PTPRB: variants seen among roughly 807,000 people sequenced by gnomAD.
PTPRB encodes receptor-type tyrosine-protein phosphatase beta.
In PTPRB, 97 loss-of-function variants were observed where a neutral mutation model predicts 238.1. The observed-to-expected ratio is 0.41, with a 90% CI of 0.35 to 0.48. The LOEUF (loss-of-function observed/expected upper bound fraction) is 0.48, where lower values mean the gene tolerates loss of function less well. Ranked by LOEUF, PTPRB falls within the 20% of genes least tolerant of loss-of-function variation. The pLI is 0.30. For synonymous variants in PTPRB, 970 were observed against 995.4 expected, an observed-to-expected ratio of 0.97 and a Z score of 0.48; for missense variants, 2,292 against 2,681.9, an observed-to-expected ratio of 0.85 and a Z score of 3.21.
rs777715159 is a variant in PTPRB, at chr12:70,534,848, C to T, written c.6189G>A (p.Glu2063=). The T allele has an allele frequency of 1.2e-6, 2 of 1,613,944 alleles. No individual in the cohort carries two copies. The highest frequency in any genetic ancestry group is 1.7e-6 in the Non-Finnish European group (2 of 1,179,862). The part of the protein sequence containing the change: ...ESVLPEWTIR[E]FKICGEEQLD... ...GCTAACATACACCGCATATCTTAAA[C>T]TCCCGGATGGTCCACTCAGGCAGGA... The change falls in exon 30 of 34, where the codon GAG becomes GAA. Residue 2063 remains glutamate (E), a synonymous_variant. Coordinates refer to ENST00000334414, the MANE Select transcript of PTPRB (RefSeq NM_001109754.4).
At chr12:70,636,434 T>C (rs2584020) in intron 1 of PTPRB, among the ~76,000 whole-genome samples, 49,073 of 152,010 alleles carry the variant, frequency 0.32, 11,533 homozygotes, top group African/African-American at 0.63. Context: ...AGTTATGAAA[T>C]GCTCAGCTCC....
chr12:70,543,455 G>T (rs1875485673), intron 22 of PTPRB, among the ~76,000 whole-genome samples: 1 of 152,138 alleles, frequency 6.6e-6, no homozygotes, highest in African/African-American at 2.4e-5. Context: ...AAAGAATTGT[G>T]TTTACAAAGT....
intron 10 of PTPRB, among the ~76,000 whole-genome samples, chr12:70,579,441 G>C (rs1303771537): frequency 2.0e-5 from 3 of 152,166 alleles, no homozygotes; most frequent in Non-Finnish European, 4.4e-5. Flanking sequence ...GCTCACACCT[G>C]TGATCCCAGC....
chr12:70,595,346 G>T (rs1882913745), intron 5 of PTPRB, among the ~76,000 whole-genome samples: 1 of 152,132 alleles, frequency 6.6e-6, no homozygotes, highest in Non-Finnish European at 1.5e-5. Flanking sequence ...AATATCTAAT[G>T]TAGATGATGG....
chr12:70,539,363 T>C (rs1400311813), intron 26 of PTPRB: 1 of 547,248 alleles, frequency 1.8e-6, no homozygotes, highest in East Asian at 3.0e-5. Context: ...AGGTCTGCAT[T>C]TGAGATTTGT....
At chr12:70,618,147 T>G (rs970731481) in intron 3 of PTPRB, among the ~76,000 whole-genome samples, 2 of 152,246 alleles carry the variant, frequency 1.3e-5, no homozygotes, top group Non-Finnish European at 2.9e-5. Context: ...TCATCCAGGC[T>G]GGAGTGCAGG....
In PTPRB at chr12:70,560,458, T is replaced by TTGA. The variant is rs1358900434; in HGVS notation, c.4432+212_4432+213insTCA. Among the ~76,000 whole-genome samples the TTGA allele has an allele frequency of 2.5e-4, 38 of 152,336 alleles. No homozygotes were observed. The South Asian group carries it at 7.7e-3, about 31-fold the overall frequency. On this transcript the variant is annotated intron_variant, in intron 17 of 33. Transcript: ENST00000334414. The surrounding 1 kb of genome is among the most constrained non-coding windows in gnomAD (Gnocchi z 4.2). ...TGAGGCCTAGAGATGCTCAATGACT[T>TTGA]GCCCAGATTCATAGAGCTAAGCTAA...
At chr12:70,612,250 G>C (rs1269594535) in intron 3 of PTPRB, among the ~76,000 whole-genome samples, 1 of 152,202 alleles carries the variant, frequency 6.6e-6, no homozygotes. Flanking sequence ...ACAAGAGGAA[G>C]AGTTTAAACT....
rs1454964328 is a variant in PTPRB, at chr12:70,519,361, C to T, written c.*2128G>A. ...GTGTGTGGCCTGTGGAAGGTGACCACTGTCCTAGACTGGCTCAGTTATCCC... is the reference window on the plus strand; with the variant it reads ...GTGTGTGGCCTGTGGAAGGTGACCATTGTCCTAGACTGGCTCAGTTATCCC... On this transcript the variant is annotated 3_prime_UTR_variant, in exon 34 of 34. Transcript: ENST00000334414. The T allele has an allele frequency of 9.2e-5, 14 of 152,168 alleles. No individual in the cohort carries two copies. Among genetic ancestry groups the T allele is most frequent in the African/African-American group, 3.4e-4 (14 of 41,436 alleles). The allele number at this position is 152,168 out of a possible 1,614,324, so 9.4% of individuals were successfully genotyped here. A position where few individuals can be genotyped will look rare whatever the true frequency, so the allele number is the denominator to read the frequency against.
intron 30 of PTPRB, 74 bp downstream of exon 30, chr12:70,534,759 A>G (rs1339119048): frequency 1.3e-5 from 21 of 1,600,580 alleles, no homozygotes; most frequent in African/African-American, 2.7e-5. Flanking sequence ...CAAGAGAGGA[A>G]CCAGCGAAAG....
chr12:70,532,973 C>A (rs1387512965), intron 31 of PTPRB, among the ~76,000 whole-genome samples: 1 of 152,120 alleles, frequency 6.6e-6, no homozygotes, highest in Non-Finnish European at 1.5e-5. Flanking sequence ...TAATTCTCTT[C>A]ATAAACCACT....
chr12:70,539,813 G>C lies in PTPRB; in HGVS notation c.5696+14C>G. 6.3e-7 allele frequency: 1 copy of C among 1,597,560 alleles called. No individual in the cohort carries two copies. On this transcript the variant is annotated intron_variant, in intron 25 of 33. Transcript: ENST00000334414. ...AGGCAGATAATATAGTAATTAATGT[G>C]TTCTCTCTCTTACCAAGAAGTTTTC... is the stretch of plus-strand genomic sequence containing the variant.
intron 26 of PTPRB, 73 bp downstream of exon 26, chr12:70,539,552 A>G: frequency 8.3e-7 from 1 of 1,211,032 alleles, no homozygotes; most frequent in Non-Finnish European, 1.2e-6. Flanking sequence ...GCCTATGATG[A>G]CACAGTAAAC....
intron 8 of PTPRB, 100 bp downstream of exon 8, chr12:70,589,864 A>G: frequency 8.6e-7 from 1 of 1,168,014 alleles, no homozygotes; most frequent in African/African-American, 1.5e-5. Flanking sequence ...TTCAGAAAAC[A>G]CCAGGGTATG....
chr12:70,561,323 CTT>C (rs1878455081), intron 16 of PTPRB, among the ~76,000 whole-genome samples: 1 of 152,146 alleles, frequency 6.6e-6, no homozygotes, highest in Admixed American at 6.5e-5. Flanking sequence ...CTCTGGGTCT[CTT>C]TACATCCTCT....
chr12:70,533,491 G>GAGAT (rs1489022156), intron 31 of PTPRB, among the ~76,000 whole-genome samples: 2 of 152,144 alleles, frequency 1.3e-5, no homozygotes, highest in East Asian at 3.9e-4. Flanking sequence ...GAGAGAGAGA[G>GAGAT]ATTTCACTTG....
rs371343778 is a variant in PTPRB at position 70,587,023 on chromosome 12, T to C, written c.2295A>G (p.Ser765=). 2 of 1,613,388 alleles carry C rather than the reference T, an allele frequency of 1.2e-6. No individual in the cohort carries two copies. Among genetic ancestry groups the C allele is most frequent in the Admixed American group, 1.7e-5 (1 of 59,984 alleles). ...GGTTACTACCTGTTCTTCCTTTTAC[T>C]GAAGAGGAATTTTTTAAGTCTCCAC... ...SISGDLKNSS[S]VKGRTVPAQV... The change falls in exon 9 of 34, where the codon TCA becomes TCG. Residue 765 remains serine, a synonymous_variant. Transcript: ENST00000334414.
At chr12:70,547,151 A>G (rs184206178) in intron 21 of PTPRB, among the ~76,000 whole-genome samples, 24 of 152,316 alleles carry the variant, frequency 1.6e-4, no homozygotes, top group Admixed American at 1.3e-3. Context: ...ACTTATGCCC[A>G]GATCCGAGTG....
chr12:70,620,393 T>C (rs1031604820), intron 3 of PTPRB, among the ~76,000 whole-genome samples: 2 of 152,236 alleles, frequency 1.3e-5, no homozygotes. Context: ...TGTTTCACAA[T>C]GGTTAAAGCT....
Sources: allele counts gnomAD v4.1 joint callset (sites outside exome capture counted in the v4.1 genomes callset), GRCh38; gene constraint gnomAD v4.1.1; non-coding constraint Gnocchi (gnomAD v3.1); transcripts MANE v1.5; gene names NCBI Gene and HGNC (gene_info 2026-07-23, HGNC 2026-07-21).